GON4L: variants seen among roughly 807,000 people sequenced by gnomAD.
The protein encoded by GON4L is gon-4 like.
Under a neutral mutation model 211.8 loss-of-function variants are expected in GON4L, and 87 were observed. The observed-to-expected ratio is 0.41, with a 90% CI of 0.35 to 0.49. The LOEUF is 0.49. GON4L is among the 20% of genes least tolerant of loss of function. GON4L has a pLI of 0.15. For missense variants in GON4L, 2,155 were observed against 2,659.5 expected, an observed-to-expected ratio of 0.81 and a Z score of 4.17; for synonymous variants, 875 against 962.6, an observed-to-expected ratio of 0.91 and a Z score of 1.68.
intron 13 of GON4L, 98 bp downstream of exon 13, chr1:155,785,236 C>G: frequency 1.2e-6 from 1 of 831,252 alleles, no homozygotes; most frequent in Non-Finnish European, 2.2e-6. Context: ...TTCAGTCAGA[C>G]CCCCTCTCCT....
At chr1:155,799,244 G>A (rs1373693360) in intron 11 of GON4L, among the ~76,000 whole-genome samples, 1 of 152,184 alleles carries the variant, frequency 6.6e-6, no homozygotes, top group Non-Finnish European at 1.5e-5. Flanking sequence ...AGACCAGCCT[G>A]ACCAATATGG....
At chr1:155,784,903 A>G (rs1217530108) in intron 13 of GON4L, 8 of 289,168 alleles carry the variant, frequency 2.8e-5, no homozygotes, top group Non-Finnish European at 5.4e-5. Context: ...GCTTGAGCCC[A>G]GAAGTTCCAG....
chr1:155,807,270 T>C (rs1667221881), intron 10 of GON4L, among the ~76,000 whole-genome samples: 1 of 152,006 alleles, frequency 6.6e-6, no homozygotes, highest in Non-Finnish European at 1.5e-5. Context: ...AGTGGTGGCA[T>C]ATGCCTGTAG....
chr1:155,837,993 G>A (rs757380606), intron 2 of GON4L, among the ~76,000 whole-genome samples: 1 of 152,150 alleles, frequency 6.6e-6, no homozygotes, highest in Non-Finnish European at 1.5e-5. Context: ...ACTGGGTGCT[G>A]TCGCTCACAC....
At chr1:155,803,602 A>T (rs74903813) in intron 11 of GON4L, among the ~76,000 whole-genome samples, 4 of 152,292 alleles carry the variant, frequency 2.6e-5, no homozygotes, top group Non-Finnish European at 5.9e-5. Context: ...CATTTCTGAT[A>T]ATACCATTAC....
chr1:155,757,477 CT>C (rs2101657747), intron 25 of GON4L, among the ~76,000 whole-genome samples, 154 bp from the exon 26 acceptor site: 1 of 152,330 alleles, frequency 6.6e-6, no homozygotes, highest in Admixed American at 6.5e-5. Context: ...AAAACTTTCT[CT>C]TCCTCCTTAG....
At chr1:155,747,978 A>T (rs1353815523), downstream of GON4L, 1 of 1,581,946 alleles carries the variant, frequency 6.3e-7, no homozygotes, top group Non-Finnish European at 8.6e-7. Flanking sequence ...CTTTACGAGG[A>T]GGCCCAGAGA....
intron 17 of GON4L, among the ~76,000 whole-genome samples, chr1:155,773,590 G>A (rs926307815): frequency 6.6e-6 from 1 of 152,108 alleles, no homozygotes; most frequent in Non-Finnish European, 1.5e-5. Flanking sequence ...CTTTCTTCCA[G>A]AATAAGATTC....
chr1:155,768,959 T>C (rs886331203), intron 19 of GON4L, among the ~76,000 whole-genome samples: 5 of 152,144 alleles, frequency 3.3e-5, no homozygotes, highest in African/African-American at 1.2e-4. Flanking sequence ...GTGCACATCT[T>C]TGTACTTTTT....
chr1:155,846,943 G>A (rs1486762342), intron 2 of GON4L, among the ~76,000 whole-genome samples: 1 of 152,116 alleles, frequency 6.6e-6, no homozygotes, highest in African/African-American at 2.4e-5. Flanking sequence ...CCGAGCAGGG[G>A]CCATTGAGGT....
intron 12 of GON4L, among the ~76,000 whole-genome samples, chr1:155,786,082 C>T (rs949432809): frequency 6.9e-6 from 1 of 144,804 alleles, no homozygotes; most frequent in Non-Finnish European, 1.5e-5. Context: ...GGCAACAGAG[C>T]GAGACTCTGT....
chr1:155,764,649 C>T (rs1011300904), intron 21 of GON4L: 1 of 561,288 alleles, frequency 1.8e-6, no homozygotes, highest in Non-Finnish European at 3.2e-6. Flanking sequence ...CCACGTCGGC[C>T]AGGCCAGTCT....
chr1:155,855,364 T>G (rs561325079), intron 1 of GON4L, among the ~76,000 whole-genome samples: 2 of 146,358 alleles, frequency 1.4e-5, no homozygotes, highest in Non-Finnish European at 1.5e-5. Context: ...AGTATCTGGG[T>G]TTTTTTTTTT....
chr1:155,771,342 C>T (rs1373832361), intron 18 of GON4L, 125 bp from the exon 19 acceptor site: 2 of 1,329,580 alleles, frequency 1.5e-6, no homozygotes, highest in South Asian at 1.3e-5. Flanking sequence ...CACGCTGTCA[C>T]CCAGGCTGGA....
At chr1:155,853,165 G>A (rs781580557) in intron 2 of GON4L, 111 bp downstream of exon 2, 176 of 1,014,568 alleles carry the variant, frequency 1.7e-4, no homozygotes, top group South Asian at 2.8e-4. Flanking sequence ...TTCCAATTCC[G>A]TACCAAATCA....
rs748836050 is a variant in GON4L, at chr1:155,765,544, T to C, written c.3929A>G (p.Gln1310Arg). 6 of 1,614,218 alleles carry C rather than the reference T, an allele frequency of 3.7e-6. No individual in the cohort carries two copies. The highest frequency in any genetic ancestry group is 5.1e-6 in the Non-Finnish European group (6 of 1,180,030). ...QALEPLPQGIQESLNNPTPGD... is the reference protein window; with the variant it reads ...QALEPLPQGIRESLNNPTPGD... ...AGGGGTAGGGTTGTTTAGAGACTCC[T>C]GGATGCCCTGAGGGAGCGGCTCCAG... The change falls in exon 21 of 32, where the codon CAG (glutamine) becomes CGG (arginine). Residue 1310 changes from glutamine to arginine, a missense_variant. Gln to Arg is a conservative substitution (Grantham distance 43). Transcript: ENST00000368331.
At chr1:155,821,091 C>A (rs1268109516) in intron 5 of GON4L, among the ~76,000 whole-genome samples, 1 of 152,030 alleles carries the variant, frequency 6.6e-6, no homozygotes, top group Non-Finnish European at 1.5e-5. Context: ...GTGGTGAAAC[C>A]CCGTCTCTAT....
chr1:155,801,578 T>G (rs1052318222), intron 11 of GON4L, among the ~76,000 whole-genome samples: 1 of 152,136 alleles, frequency 6.6e-6, no homozygotes, highest in East Asian at 1.9e-4. Context: ...TTTTAAAATT[T>G]TATTTTATTT....
intron 10 of GON4L, among the ~76,000 whole-genome samples, chr1:155,811,919 G>T (rs1667827397): frequency 6.8e-6 from 1 of 148,134 alleles, no homozygotes; most frequent in South Asian, 2.2e-4. Flanking sequence ...AGGCGTGGTG[G>T]TGGGCACCTG....
Sources: allele counts gnomAD v4.1 joint callset (sites outside exome capture counted in the v4.1 genomes callset), GRCh38; gene constraint gnomAD v4.1.1; transcripts MANE v1.5; gene names NCBI Gene and HGNC (gene_info 2026-07-23, HGNC 2026-07-21).